Variants in SCN2A observed in about 807,000 individuals in gnomAD.
SCN2A encodes the protein sodium voltage-gated channel alpha subunit 2.
SCN2A carries 20 observed loss-of-function variants against 188.7 expected under a neutral mutation model. The ratio of observed to expected loss-of-function variants is 0.11; its 90% CI spans 0.07 to 0.15. The LOEUF is 0.15. Ranked by LOEUF, SCN2A falls within the 10% of genes least tolerant of loss-of-function variation. The probability of loss-of-function intolerance (pLI) is 1.00; values close to 1 mark genes in which losing one functional copy is unlikely to be tolerated. For missense variants in SCN2A, 1,278 were observed against 2,445.0 expected (o/e 0.52, Z 10.07); for synonymous variants, 804 against 833.1 (o/e 0.97, Z 0.60).
At chr2:165,329,676 C>A (rs907365303) in intron 13 of SCN2A, among the ~76,000 whole-genome samples, 1 of 152,014 alleles carries the variant, frequency 6.6e-6, no homozygotes, top group Non-Finnish European at 1.5e-5. Flanking sequence ...AAAGAAAAAA[C>A]CATATTATGG....
intron 3 of SCN2A, among the ~76,000 whole-genome samples, chr2:165,301,994 A>G (rs73023752): frequency 0.013 from 1,931 of 152,310 alleles, 34 homozygotes; most frequent in African/African-American, 0.044. Context: ...TAGAAAACAA[A>G]TGATTTTTAA....
At chr2:165,292,527 T>A (rs561459097) in intron 1 of SCN2A, among the ~76,000 whole-genome samples, 12 of 152,188 alleles carry the variant, frequency 7.9e-5, no homozygotes, top group Non-Finnish European at 1.6e-4. Context: ...CCCATGTTTA[T>A]GTCCATGTGT....
intron 12 of SCN2A, among the ~76,000 whole-genome samples, chr2:165,324,936 A>G (rs985649487): frequency 2.0e-5 from 3 of 152,218 alleles, no homozygotes; most frequent in Non-Finnish European, 4.4e-5. Context: ...CTTCACTTTC[A>G]TACTACTTAC....
chr2:165,350,310 C>G (rs1699815162), intron 16 of SCN2A, among the ~76,000 whole-genome samples: 1 of 151,914 alleles, frequency 6.6e-6, no homozygotes. Flanking sequence ...ATGTTTCAAC[C>G]TTGAATTCAA....
At chr2:165,320,087 G>C (rs573991858) in intron 11 of SCN2A, among the ~76,000 whole-genome samples, 4 of 152,264 alleles carry the variant, frequency 2.6e-5, no homozygotes, top group Admixed American at 2.0e-4. Flanking sequence ...GATACAATAG[G>C]GATACAGACA....
chr2:165,387,038 C>A (rs199756060), intron 26 of SCN2A, 22 bp downstream of exon 26: 14 of 1,609,622 alleles, frequency 8.7e-6, no homozygotes, highest in Admixed American at 5.0e-5. Context: ...TGCTTTTATT[C>A]AGTTAAGGAA....
chr2:165,354,099 TAAG>T (rs1471884952), intron 16 of SCN2A, 90 bp from the exon 17 acceptor site: 1 of 1,455,706 alleles, frequency 6.9e-7, no homozygotes, highest in African/African-American at 1.4e-5. Flanking sequence ...TAGAATAAAA[TAAG>T]GTGTCAAGAA....
chr2:165,371,904 G>C (rs1701051745), intron 20 of SCN2A: 1 of 152,162 alleles, frequency 6.6e-6, no homozygotes, highest in Non-Finnish European at 1.5e-5. Context: ...CCCAGAAAGA[G>C]AAGGCCTATA....
intron 13 of SCN2A, among the ~76,000 whole-genome samples, chr2:165,330,652 G>C (rs765921957): frequency 3.3e-5 from 5 of 152,066 alleles, no homozygotes; most frequent in Admixed American, 6.6e-5. Context: ...AAAATCCTTT[G>C]TATTTTTCCA....
chr2:165,335,204 G>A (rs1579865), intron 14 of SCN2A, among the ~76,000 whole-genome samples: 42,241 of 151,332 alleles, frequency 0.28, 6,219 homozygotes, highest in Middle Eastern at 0.48. Flanking sequence ...CAAATTTAAC[G>A]CTATTCATAT....
At chr2:165,367,151 C>T in intron 18 of SCN2A, 66 bp from the exon 19 acceptor site, 1 of 1,483,954 alleles carries the variant, frequency 6.7e-7, no homozygotes, top group South Asian at 1.1e-5. Context: ...ATGAATCTCC[C>T]ACCAACACAA....
At chr2:165,289,396 T>A (rs1695997106) in intron 1 of SCN2A, among the ~76,000 whole-genome samples, 1 of 152,066 alleles carries the variant, frequency 6.6e-6, no homozygotes, top group Non-Finnish European at 1.5e-5. Context: ...ATATCAGAAT[T>A]TAGAATCCCA....
chr2:165,362,136 C>A (rs891736637), intron 17 of SCN2A, among the ~76,000 whole-genome samples: 1 of 152,006 alleles, frequency 6.6e-6, no homozygotes, highest in African/African-American at 2.4e-5. Flanking sequence ...AAAACATGAT[C>A]TTTCCTCCAA....
At chr2:165,374,517 T>C (rs1271527401) in intron 21 of SCN2A, among the ~76,000 whole-genome samples, 168 bp from the exon 22 acceptor site, 1 of 152,152 alleles carries the variant, frequency 6.6e-6, no homozygotes, top group Non-Finnish European at 1.5e-5. Context: ...TCTTCTGATT[T>C]ATAATTTTAA....
chr2:165,263,822 G>C (rs1428852110), intron 1 of SCN2A, among the ~76,000 whole-genome samples: 3 of 151,646 alleles, frequency 2.0e-5, no homozygotes, highest in South Asian at 2.1e-4. Context: ...TCTTTCAGCA[G>C]TGTTTGTAGT....
intron 1 of SCN2A, among the ~76,000 whole-genome samples, chr2:165,248,821 A>G (rs915752998): frequency 6.6e-6 from 1 of 152,132 alleles, no homozygotes; most frequent in East Asian, 1.9e-4. Context: ...ATGTTTGTAG[A>G]ATAAAATAAT....
chr2:165,291,530 TTCCTTCC>T (rs1696186045), intron 1 of SCN2A, among the ~76,000 whole-genome samples: 1 of 27,440 alleles, frequency 3.6e-5, no homozygotes, highest in South Asian at 2.0e-3. Context: ...CTTTCTTTCC[TTCCTTCC>T]TTCCTTCCTT....
chr2:165,374,252 T>C (rs973427444), intron 21 of SCN2A, among the ~76,000 whole-genome samples: 2 of 152,124 alleles, frequency 1.3e-5, no homozygotes, highest in Non-Finnish European at 2.9e-5. Context: ...AATCTTTCAG[T>C]ACCAGAATAC....
At chr2:165,347,152 T>C (rs1429696298) in intron 16 of SCN2A, among the ~76,000 whole-genome samples, 2 of 152,196 alleles carry the variant, frequency 1.3e-5, no homozygotes, top group African/African-American at 2.4e-5. Flanking sequence ...CGTATGCTTA[T>C]TGCAGCACTA....
Sources: allele counts gnomAD v4.1 joint callset (sites outside exome capture counted in the v4.1 genomes callset), GRCh38; gene constraint gnomAD v4.1.1; transcripts MANE v1.5; gene names NCBI Gene and HGNC (gene_info 2026-07-23, HGNC 2026-07-21).